ST8SIA1: variants seen among roughly 807,000 people sequenced by gnomAD.
ST8SIA1 encodes the protein alpha-N-acetylneuraminide alpha-2,8-sialyltransferase.
ST8SIA1 carries 16 observed loss-of-function variants against 35.9 expected under a neutral mutation model. That is an observed-to-expected ratio of 0.45 (90% CI 0.30 to 0.68). ST8SIA1 has a LOEUF of 0.68. ST8SIA1 is among the 30% of genes least tolerant of loss of function. The pLI is 0.09. For missense variants in ST8SIA1, 383 were observed against 453.6 expected, an observed-to-expected ratio of 0.84 and a Z score of 1.41; for synonymous variants, 170 against 169.6, an observed-to-expected ratio of 1.00 and a Z score of -0.02.
chr12:22,234,706 T>C (rs1463895238), intron 4 of ST8SIA1, among the ~76,000 whole-genome samples: 1 of 152,176 alleles, frequency 6.6e-6, no homozygotes, highest in Non-Finnish European at 1.5e-5. Context: ...ATAATTTAAT[T>C]AGGAGGACAG....
chr12:22,262,385 T>G (rs1176664518), intron 2 of ST8SIA1, among the ~76,000 whole-genome samples: 1 of 152,124 alleles, frequency 6.6e-6, no homozygotes, highest in Admixed American at 6.5e-5. Context: ...CTTCCTCCTC[T>G]CCTTGTGCAA....
intron 2 of ST8SIA1, among the ~76,000 whole-genome samples, chr12:22,260,114 TAGAC>T (rs1289530241): frequency 6.6e-6 from 1 of 152,016 alleles, no homozygotes; most frequent in African/African-American, 2.4e-5. Context: ...AAGGATAGAT[TAGAC>T]AGATTAACTA....
intron 1 of ST8SIA1, among the ~76,000 whole-genome samples, chr12:22,321,979 C>T (rs1050953284): frequency 1.3e-5 from 2 of 152,226 alleles, no homozygotes; most frequent in Non-Finnish European, 2.9e-5. Context: ...TCCCCATGGG[C>T]TCATGTATCT....
chr12:22,279,207 C>CTG (rs1565585062), intron 2 of ST8SIA1, among the ~76,000 whole-genome samples: 1 of 152,198 alleles, frequency 6.6e-6, no homozygotes, highest in African/African-American at 2.4e-5. Context: ...AATGATTGGG[C>CTG]ATGGTCACCT....
At chr12:22,237,167 C>G (rs1196463931) in intron 4 of ST8SIA1, among the ~76,000 whole-genome samples, 6 of 152,166 alleles carry the variant, frequency 3.9e-5, no homozygotes, top group Admixed American at 2.6e-4. Context: ...GGCATGATCA[C>G]AGCTCACTGC....
intron 1 of ST8SIA1, among the ~76,000 whole-genome samples, chr12:22,304,334 C>CTTTTTTTT (rs3063802): frequency 2.8e-5 from 3 of 106,266 alleles, no homozygotes; most frequent in African/African-American, 7.4e-5. Flanking sequence ...TTTTCTTTTT[C>CTTTTTTTT]TTTTTTTTTT....
chr12:22,291,675 C>T (rs928726256), intron 1 of ST8SIA1, among the ~76,000 whole-genome samples: 11 of 152,086 alleles, frequency 7.2e-5, no homozygotes, highest in South Asian at 2.1e-4. Context: ...AATTCTTATA[C>T]GCAATATAGG....
intron 4 of ST8SIA1, among the ~76,000 whole-genome samples, chr12:22,203,369 T>A (rs1865071189): frequency 2.6e-5 from 4 of 152,194 alleles, no homozygotes; most frequent in Admixed American, 2.6e-4. Context: ...GAGGAAAGTC[T>A]GGCCTGACAT....
intron 1 of ST8SIA1, among the ~76,000 whole-genome samples, chr12:22,315,603 T>C (rs938444110): frequency 6.6e-6 from 1 of 152,050 alleles, no homozygotes; most frequent in Non-Finnish European, 1.5e-5. Context: ...CATCTCACAG[T>C]GAGCTGTGTT....
chr12:22,201,322 C>A lies in ST8SIA1; in HGVS notation c.*230G>T. The A allele has an allele frequency of 2.1e-6, 1 of 466,482 alleles. No homozygotes were observed. Among genetic ancestry groups the A allele is most frequent in the Non-Finnish European group, 3.7e-6 (1 of 272,880 alleles). 28.9% of individuals were successfully genotyped at this position (466,482 alleles called of 1,614,324 possible). A position where few individuals can be genotyped will look rare whatever the true frequency, so the allele number is the denominator to read the frequency against. On this transcript the variant is annotated 3_prime_UTR_variant, in exon 5 of 5. Transcript: ENST00000396037. ...CCAACAGCATTTCACCAGCATTTTA[C>A]TAGTTGCAAATCTGCCATGTGCTAT...
At position 22,334,471 on chromosome 12, in the gene ST8SIA1, T is replaced by C. The variant is rs1337196838; in HGVS notation, c.-239A>G. ...GAAGTGGCTGGGGGTGAAGTCACGA[T>C]CTATGGCCATGGTCGCTTCCCCTGC... is the stretch of plus-strand genomic sequence containing the variant. On this transcript the variant is annotated 5_prime_UTR_variant, in exon 1 of 5. Transcript: ENST00000396037. The C allele has an allele frequency of 3.5e-6, 2 of 571,594 alleles. No homozygotes were observed. Among genetic ancestry groups the C allele is most frequent in the East Asian group, 5.8e-5 (2 of 34,460 alleles). The allele number at this position is 571,594 out of a possible 1,614,324, so 35.4% of individuals were successfully genotyped here. A position where few individuals can be genotyped will look rare whatever the true frequency, so the allele number is the denominator to read the frequency against.
chr12:22,261,644 T>C (rs1865793259), intron 2 of ST8SIA1, among the ~76,000 whole-genome samples: 1 of 152,158 alleles, frequency 6.6e-6, no homozygotes, highest in Non-Finnish European at 1.5e-5. Flanking sequence ...GGACCTAAAA[T>C]GGCATTTCCT....
At chr12:22,230,788 G>A (rs562179313) in intron 4 of ST8SIA1, among the ~76,000 whole-genome samples, 13 of 152,218 alleles carry the variant, frequency 8.5e-5, no homozygotes, top group South Asian at 4.2e-4. Context: ...GCTGGGGGAC[G>A]GGGCTCTTGG....
At chr12:22,293,591 C>T (rs1271609289) in intron 1 of ST8SIA1, among the ~76,000 whole-genome samples, 1 of 152,178 alleles carries the variant, frequency 6.6e-6, no homozygotes, top group Non-Finnish European at 1.5e-5. Flanking sequence ...AAAATGTTCC[C>T]AAGCCTCTAT....
rs758633118 is a variant in ST8SIA1 at position 22,334,174 on chromosome 12, G to A, written c.59C>T (p.Ala20Val). ...QTSRGAMAVL[A>V]WKFPRTRLPM... ...CAGCCGGGTCCGCGGGAACTTCCAC[G>A]CCAGTACAGCCATGGCCCCTCTGGA... Residue 20 changes from alanine (A) to valine (V), a missense_variant, in exon 1 of 5, where the codon GCG becomes GTG. Coordinates refer to ENST00000396037, the MANE Select transcript of ST8SIA1 (RefSeq NM_003034.4). 11 of 1,614,026 alleles carry A rather than the reference G, an allele frequency of 6.8e-6. No individual in the cohort carries two copies. Among genetic ancestry groups the A allele is most frequent in the South Asian group, 1.1e-5 (1 of 91,078 alleles).
At position 22,325,622 on chromosome 12, in the gene ST8SIA1, T is replaced by A. The variant is rs543475876; in HGVS notation, c.236+8375A>T. On this transcript the variant is annotated intron_variant, in intron 1 of 4. Coordinates refer to ENST00000396037, the MANE Select transcript of ST8SIA1 (RefSeq NM_003034.4). ...TCTCCTCTTATCTGTGGAGGATACA[T>A]TCCAAGACCCCCAGTGGATGTCTGA... is the stretch of plus-strand genomic sequence containing the variant. 471 of 624,980 alleles carry A rather than the reference T, an allele frequency of 7.5e-4. 5 individuals carry two copies. In the South Asian group the frequency reaches 8.7e-3, roughly 12 times the overall value. 38.7% of individuals were successfully genotyped at this position (624,980 alleles called of 1,614,324 possible).
chr12:22,285,592 T>A (rs758143721), intron 2 of ST8SIA1, among the ~76,000 whole-genome samples: 6 of 152,028 alleles, frequency 3.9e-5, no homozygotes, highest in Non-Finnish European at 8.8e-5. Context: ...TGTTTTACAG[T>A]CGGGCGCGGT....
At chr12:22,256,931 T>G (rs946428316) in intron 2 of ST8SIA1, among the ~76,000 whole-genome samples, 3 of 152,172 alleles carry the variant, frequency 2.0e-5, no homozygotes, top group Non-Finnish European at 4.4e-5. Flanking sequence ...AGCTATAATT[T>G]GTCAGATGAA....
intron 1 of ST8SIA1, among the ~76,000 whole-genome samples, chr12:22,314,523 A>C (rs537823869): frequency 5.3e-5 from 8 of 152,308 alleles, no homozygotes; most frequent in African/African-American, 1.9e-4. Flanking sequence ...AAAAAAATGG[A>C]ATAACTGGCT....
Sources: gnomAD v4.1 joint callset for allele counts (sites outside exome capture counted in the v4.1 genomes callset) on GRCh38, gnomAD v4.1.1 for gene constraint, MANE v1.5 for transcripts, NCBI Gene and HGNC (gene_info 2026-07-23, HGNC 2026-07-21) for gene names.